GBF1: variants seen among roughly 807,000 people sequenced by gnomAD.
GBF1 encodes the protein golgi brefeldin A resistant guanine nucleotide exchange factor 1, also known as Golgi-specific brefeldin A-resistance guanine nucleotide exchange factor 1.
A neutral mutation model predicts 210.5 loss-of-function variants in GBF1; 114 were observed. The observed-to-expected ratio is 0.54, with a 90% CI of 0.47 to 0.63. The LOEUF (loss-of-function observed/expected upper bound fraction) is 0.63, where lower values mean the gene tolerates loss of function less well. GBF1 is among the 30% of genes least tolerant of loss of function. GBF1 has a pLI of 0.00. For synonymous variants in GBF1, 850 were observed against 889.2 expected, an observed-to-expected ratio of 0.96 and a Z score of 0.78; for missense variants, 1,851 against 2,357.7, an observed-to-expected ratio of 0.79 and a Z score of 4.45.
intron 4 of GBF1, among the ~76,000 whole-genome samples, chr10:102,347,418 C>T (rs2058649044): frequency 6.6e-6 from 1 of 152,186 alleles, no homozygotes; most frequent in Admixed American, 6.5e-5. Flanking sequence ...ACCTGCAGGT[C>T]ATCTTTCTTC....
chr10:102,281,668 C>G (rs1420179048), intron 3 of GBF1, among the ~76,000 whole-genome samples: 1 of 150,782 alleles, frequency 6.6e-6, no homozygotes, highest in Non-Finnish European at 1.5e-5. Context: ...AAGTTCTCAT[C>G]TATCCAATGC....
At chr10:102,261,767 G>A (rs1482097225) in intron 3 of GBF1, among the ~76,000 whole-genome samples, 4 of 151,720 alleles carry the variant, frequency 2.6e-5, no homozygotes, top group Admixed American at 6.6e-5. Flanking sequence ...GATTACAGAC[G>A]TGCACCACCA....
chr10:102,311,376 A>G (rs2078418868), intron 3 of GBF1, among the ~76,000 whole-genome samples: 1 of 152,256 alleles, frequency 6.6e-6, no homozygotes, highest in African/African-American at 2.4e-5. Context: ...TCTTAGAACT[A>G]AAAGAGAAGC....
intron 4 of GBF1, among the ~76,000 whole-genome samples, chr10:102,345,598 G>T (rs1375199302): frequency 8.7e-6 from 1 of 114,658 alleles, no homozygotes; most frequent in Non-Finnish European, 1.6e-5. Context: ...AGTGAGCCAA[G>T]ATCACACCAT....
chr10:102,301,595 G>A (rs574635495), intron 3 of GBF1, among the ~76,000 whole-genome samples: 2 of 152,134 alleles, frequency 1.3e-5, no homozygotes, highest in Non-Finnish European at 2.9e-5. Flanking sequence ...AGACGGGGCG[G>A]CCGGGCAGAG....
intron 3 of GBF1, among the ~76,000 whole-genome samples, chr10:102,262,103 T>A (rs1257113106): frequency 1.3e-5 from 2 of 152,198 alleles, no homozygotes; most frequent in Non-Finnish European, 2.9e-5. Context: ...CAGGCTGGTG[T>A]TGAACTTCTG....
At chr10:102,346,380 T>G (rs1453219525) in intron 4 of GBF1, among the ~76,000 whole-genome samples, 2 of 152,258 alleles carry the variant, frequency 1.3e-5, no homozygotes, top group Non-Finnish European at 2.9e-5. Context: ...ATTACCAGGT[T>G]GCTTCCCCAA....
At chr10:102,255,943 A>G (rs1215769091) in intron 1 of GBF1, among the ~76,000 whole-genome samples, 1 of 152,122 alleles carries the variant, frequency 6.6e-6, no homozygotes, top group Non-Finnish European at 1.5e-5. Context: ...ATGGGCATGG[A>G]CACATTATTA....
chr10:102,230,782 G>T, the GBF1 span: 3 of 1,542,930 alleles, frequency 1.9e-6, no homozygotes, highest in Non-Finnish European at 2.6e-6. Flanking sequence ...GCCCTGCAGG[G>T]CCCCAGGCCC....
In GBF1 at chr10:102,382,728, C is replaced by A; in HGVS notation, c.*392C>A. ...CCCATTAGCCCTGGGCCACCTCCTC[C>A]AGTTCTTCCTCTTTTACTAATTAGT... On this transcript the variant is annotated 3_prime_UTR_variant, in exon 40 of 40. Coordinates refer to ENST00000369983, the MANE Select transcript of GBF1 (RefSeq NM_001377137.1). The A allele has an allele frequency of 5.3e-6, 1 of 190,464 alleles. No individual in the cohort carries two copies. The highest frequency in any genetic ancestry group is 1.1e-5 in the Non-Finnish European group (1 of 93,202). 11.8% of individuals were successfully genotyped at this position (190,464 alleles called of 1,614,324 possible).
chr10:102,330,111 G>T (rs910126844), intron 3 of GBF1, among the ~76,000 whole-genome samples: 12 of 152,090 alleles, frequency 7.9e-5, no homozygotes, highest in Non-Finnish European at 1.8e-4. Context: ...ACTCCAGCCT[G>T]AGCAACAGAG....
Position 102,351,865 on chromosome 10 carries a change from C to A in GBF1, c.437C>A (p.Thr146Asn). 1.2e-6 allele frequency: 2 copies of A among 1,604,068 alleles called. No homozygotes were observed. Among genetic ancestry groups the A allele is most frequent in the Non-Finnish European group, 1.7e-6 (2 of 1,170,946 alleles). Residue 146 changes from threonine (T) to asparagine (N), a missense_variant, in exon 6 of 40, where the codon ACC (threonine) becomes AAC (asparagine). Around this residue, in one of 3 missense-constraint regions of GBF1, gnomAD observed 804 missense variants for 958.6 expected, o/e 0.84. Coordinates refer to ENST00000369983, the MANE Select transcript of GBF1 (RefSeq NM_001377137.1). ...TAGGTTCTACGGACTCTGCTGCTAA[C>A]CCCAGTGGGTGCCCACCTAACCAAT... ...ILQVLRTLLLTPVGAHLTNES... is the reference protein window; with the variant it reads ...ILQVLRTLLLNPVGAHLTNES...
chr10:102,320,366 G>A (rs2056287057), intron 3 of GBF1, among the ~76,000 whole-genome samples: 1 of 152,070 alleles, frequency 6.6e-6, no homozygotes, highest in Admixed American at 6.6e-5. Flanking sequence ...GAAACACTTG[G>A]TGTGGGTCTC....
intron 3 of GBF1, among the ~76,000 whole-genome samples, chr10:102,295,177 A>C (rs554075988): frequency 6.6e-6 from 1 of 152,238 alleles, no homozygotes; most frequent in Non-Finnish European, 1.5e-5. Flanking sequence ...AATATTTACA[A>C]GAGTCAAGTT....
chr10:102,337,715 G>C (rs2057864340), intron 3 of GBF1, among the ~76,000 whole-genome samples: 1 of 152,008 alleles, frequency 6.6e-6, no homozygotes, highest in Non-Finnish European at 1.5e-5. Flanking sequence ...AAATTAGCTG[G>C]GCCTGGTGGT....
chr10:102,365,286 C>T (rs907410360), intron 17 of GBF1, 111 bp from the exon 18 acceptor site: 4 of 738,544 alleles, frequency 5.4e-6, no homozygotes, highest in African/African-American at 1.7e-5. Context: ...AGAACCACAT[C>T]CTAGGAGCTT....
At chr10:102,231,845 C>G in the GBF1 span, 4 of 1,586,892 alleles carry the variant, frequency 2.5e-6, no homozygotes, top group Non-Finnish European at 3.4e-6. Flanking sequence ...GCATATTCTC[C>G]GGCTCGGGGA....
rs2059676138 is a variant in GBF1, at chr10:102,362,518, T to C, written c.1730T>C (p.Leu577Pro). The stretch of plus-strand genomic sequence containing the variant: ...GGTCAACTCTATACAACACACCTAC[T>C]ATCTCTTGATGCCCTATTGACAGTG... Reference protein sequence around the residue: ...VSGQLYTTHLLSLDALLTVID... With the variant: ...VSGQLYTTHLPSLDALLTVID... Residue 577 changes from leucine (L) to proline (P), a missense_variant, in exon 15 of 40, where the codon CTA becomes CCA. Physicochemically the swap from Leu to Pro is moderately conservative, Grantham distance 98. This residue lies in a region of GBF1 where 804 missense variants were observed against 958.6 expected (regional missense o/e 0.84). Coordinates refer to ENST00000369983, the MANE Select transcript of GBF1 (RefSeq NM_001377137.1). 6.2e-7 allele frequency: 1 copy of C among 1,614,022 alleles called. No homozygotes were observed. Among genetic ancestry groups the C allele is most frequent in the Non-Finnish European group, 8.5e-7 (1 of 1,179,860 alleles).
chr10:102,320,251 T>C (rs1166806010), intron 3 of GBF1, among the ~76,000 whole-genome samples: 1 of 152,152 alleles, frequency 6.6e-6, no homozygotes, highest in Non-Finnish European at 1.5e-5. Context: ...TGCTTCTTTT[T>C]CTTCTCATTT....
Sources: allele counts gnomAD v4.1 joint callset (sites outside exome capture counted in the v4.1 genomes callset), GRCh38; gene constraint gnomAD v4.1.1; regional missense constraint gnomAD v4.1.1; transcripts MANE v1.5; gene names NCBI Gene and HGNC (gene_info 2026-07-23, HGNC 2026-07-21).